Variants in PRKCH observed in about 807,000 individuals in gnomAD.
PRKCH encodes the protein protein kinase C eta.
Under a neutral mutation model 82.5 loss-of-function variants are expected in PRKCH, and 28 were observed. The ratio of observed to expected loss-of-function variants is 0.34; its 90% confidence interval spans 0.25 to 0.47. The LOEUF (loss-of-function observed/expected upper bound fraction) is 0.47, where lower values mean the gene tolerates loss of function less well. Ranked by LOEUF, PRKCH falls within the 20% of genes least tolerant of loss-of-function variation. The probability of loss-of-function intolerance (pLI) is 1.00; values close to 1 mark genes in which losing one functional copy is unlikely to be tolerated. For missense variants in PRKCH, 705 were observed against 881.8 expected (o/e 0.80, Z 2.54); for synonymous variants, 322 against 327.4 (o/e 0.98, Z 0.18).
At chr14:61,328,379 T>G (rs932084150) in intron 1 of PRKCH, among the ~76,000 whole-genome samples, 6 of 126,892 alleles carry the variant, frequency 4.7e-5, no homozygotes, top group African/African-American at 8.6e-5. Context: ...TTTAAAAGAC[T>G]ATGATTTTAA....
At chr14:61,269,366 TTTTA>T (rs1161569050) in intron 1 of PRKCH, among the ~76,000 whole-genome samples, 1 of 151,640 alleles carries the variant, frequency 6.6e-6, no homozygotes, top group East Asian at 1.9e-4. Flanking sequence ...ATTAATTAAT[TTTTA>T]TTTAAGTTTT....
chr14:61,238,903 AG>A (rs1013695688), intron 1 of PRKCH, among the ~76,000 whole-genome samples: 138 of 152,314 alleles, frequency 9.1e-4, no homozygotes, highest in African/African-American at 3.1e-3. Context: ...CCATTAAAGG[AG>A]CCCCCTGAAT....
chr14:61,486,887 G>A (rs1207192756), intron 10 of PRKCH, among the ~76,000 whole-genome samples: 1 of 152,170 alleles, frequency 6.6e-6, no homozygotes, highest in African/African-American at 2.4e-5. Flanking sequence ...TTAGGGGCAT[G>A]AATGCCAAAG....
chr14:61,423,797 C>T (rs747748365), intron 2 of PRKCH, among the ~76,000 whole-genome samples: 4 of 152,134 alleles, frequency 2.6e-5, no homozygotes, highest in Non-Finnish European at 5.9e-5. Flanking sequence ...CTGTTGTCCT[C>T]GACCCCAGAT....
At chr14:61,391,004 T>G (rs2046670518) in intron 1 of PRKCH, among the ~76,000 whole-genome samples, 2 of 152,194 alleles carry the variant, frequency 1.3e-5, no homozygotes, top group Non-Finnish European at 2.9e-5. Flanking sequence ...AGAATAAAAT[T>G]CAAGAGGAAG....
At chr14:61,395,760 T>C (rs931044040) in intron 2 of PRKCH, among the ~76,000 whole-genome samples, 5 of 152,202 alleles carry the variant, frequency 3.3e-5, no homozygotes, top group African/African-American at 1.2e-4. Flanking sequence ...CCATCTTGTA[T>C]ACTCAGCAGG....
chr14:61,300,221 C>CA (rs36005118), intron 1 of PRKCH, among the ~76,000 whole-genome samples: 1 of 151,788 alleles, frequency 6.6e-6, no homozygotes, highest in African/African-American at 2.4e-5. Context: ...TTTTCTTTCT[C>CA]GGGTTTTGGA....
chr14:61,458,853 G>A (rs1884903919), intron 9 of PRKCH, among the ~76,000 whole-genome samples: 1 of 152,112 alleles, frequency 6.6e-6, no homozygotes, highest in African/African-American at 2.4e-5. Context: ...GGGGAAATCT[G>A]CCTCATGATC....
At chr14:61,320,034 G>T (rs2045595645), upstream of PRKCH, among the ~76,000 whole-genome samples, 1 of 152,172 alleles carries the variant, frequency 6.6e-6, no homozygotes, top group Non-Finnish European at 1.5e-5. Context: ...GGGCTAGAAA[G>T]ATGAACCTGG....
At chr14:61,505,468 C>T (rs1887108946) in intron 10 of PRKCH, among the ~76,000 whole-genome samples, 1 of 137,088 alleles carries the variant, frequency 7.3e-6, no homozygotes, top group East Asian at 2.2e-4. Context: ...CTCCACCTAC[C>T]GGCTTCAAGC....
intron 1 of PRKCH, among the ~76,000 whole-genome samples, chr14:61,342,569 C>G (rs1566829227): frequency 6.6e-6 from 1 of 151,942 alleles, no homozygotes; most frequent in Non-Finnish European, 1.5e-5. Context: ...GGTGTGAAGC[C>G]TTTGTTTTTT....
intron 2 of PRKCH, among the ~76,000 whole-genome samples, chr14:61,422,560 C>A (rs1444280069): frequency 6.6e-6 from 1 of 152,188 alleles, no homozygotes; most frequent in East Asian, 1.9e-4. Context: ...TCAATTCAGG[C>A]ATCACTGTCT....
At chr14:61,219,916 T>C (rs2044641809) in intron 1 of PRKCH, among the ~76,000 whole-genome samples, 2 of 152,214 alleles carry the variant, frequency 1.3e-5, no homozygotes, top group Admixed American at 1.3e-4. Flanking sequence ...GAGGTTGCAA[T>C]GCTCAGATGA....
chr14:61,343,316 G>GAATGTCCC (rs2045950768), intron 1 of PRKCH, among the ~76,000 whole-genome samples: 1 of 97,146 alleles, frequency 1.0e-5, no homozygotes, highest in East Asian at 3.2e-4. Flanking sequence ...TTTTCCTAAA[G>GAATGTCCC]AATGTCCCTT....
chr14:61,389,315 A>AG (rs1159298070), intron 1 of PRKCH, among the ~76,000 whole-genome samples: 1 of 151,922 alleles, frequency 6.6e-6, no homozygotes, highest in Non-Finnish European at 1.5e-5. Context: ...GCAGCATTGA[A>AG]GTCCAGCCTG....
Position 61,506,619 on chromosome 14 carries a change from A to C in PRKCH, c.1433+20963A>C, listed in dbSNP as rs1887162351. Among the ~76,000 whole-genome samples, 2 of 152,178 alleles carry C rather than the reference A, an allele frequency of 1.3e-5. 1 individual carries two copies. The highest frequency in any genetic ancestry group is 4.8e-5 in the African/African-American group (2 of 41,408). On this transcript the variant is annotated intron_variant, in intron 10 of 13. Coordinates refer to ENST00000332981, the MANE Select transcript of PRKCH (RefSeq NM_006255.5). Reference sequence around the variant, plus strand: ...TGAAGGATGGAAGCAGCCCTGAACTAACTGCCCTGGGGCTCTTTATTCTCA... The same window carrying C: ...TGAAGGATGGAAGCAGCCCTGAACTCACTGCCCTGGGGCTCTTTATTCTCA...
intron 2 of PRKCH, among the ~76,000 whole-genome samples, chr14:61,439,559 G>A (rs1053156026): frequency 1.3e-5 from 2 of 152,180 alleles, no homozygotes; most frequent in African/African-American, 2.4e-5. Flanking sequence ...AGAAGTGAAA[G>A]AGACACGGCC....
intron 9 of PRKCH, among the ~76,000 whole-genome samples, chr14:61,470,253 G>A (rs1885439819): frequency 6.6e-6 from 1 of 151,916 alleles, no homozygotes; most frequent in South Asian, 2.1e-4. Context: ...CTATTATAGG[G>A]GTTGGGAGGT....
chr14:61,547,934 C>T (rs1372678234), intron 13 of PRKCH, 48 bp downstream of exon 13: 7 of 1,592,782 alleles, frequency 4.4e-6, no homozygotes, highest in Non-Finnish European at 6.0e-6. Context: ...TCAGATGTCA[C>T]AGCATTCCAC....
Sources: gnomAD v4.1 joint callset for allele counts (sites outside exome capture counted in the v4.1 genomes callset) on GRCh38, gnomAD v4.1.1 for gene constraint, MANE v1.5 for transcripts, NCBI Gene and HGNC (gene_info 2026-07-23, HGNC 2026-07-21) for gene names.